ZNF48: variants seen among roughly 807,000 people sequenced by gnomAD.
ZNF48 encodes the protein zinc finger protein 553.
A neutral mutation model predicts 40.0 loss-of-function variants in ZNF48; 20 were observed. That is an observed-to-expected ratio of 0.50 (90% CI 0.35 to 0.73). The LOEUF is 0.73. Ranked by LOEUF, ZNF48 falls within the 30% of genes least tolerant of loss-of-function variation. The pLI, the probability that ZNF48 is intolerant of heterozygous loss-of-function variation, is 0.01. For missense variants in ZNF48, 726 were observed against 851.9 expected (o/e 0.85, Z 1.84); for synonymous variants, 298 against 329.7 (o/e 0.90, Z 1.04).
Position 30,381,498 on chromosome 16 carries a change from G to A in ZNF48, c.-16+3088G>A. 1 of 1,613,688 alleles carries A rather than the reference G, an allele frequency of 6.2e-7. No homozygotes were observed. Among genetic ancestry groups the A allele is most frequent in the Non-Finnish European group, 8.5e-7 (1 of 1,179,850 alleles). Reference sequence around the variant, plus strand: ...GCTGGGTGTGGGGAGAGGATGTGAGGTCAGAGATCAAAGGCCAGAGGGCAG... The same window carrying A: ...GCTGGGTGTGGGGAGAGGATGTGAGATCAGAGATCAAAGGCCAGAGGGCAG... On this transcript the variant is annotated intron_variant, in intron 1 of 2. Transcript: ENST00000528032. This position sits in a 1 kb window ranked among gnomAD's most constrained non-coding sequence, Gnocchi z 4.3.
chr16:30,397,818 C>T lies in ZNF48; in HGVS notation c.568C>T (p.Arg190Cys), dbSNP rs202072917. 3.7e-6 allele frequency: 6 copies of T among 1,613,746 alleles called. No homozygotes were observed. Among genetic ancestry groups the T allele is most frequent in the East Asian group, 2.2e-5 (1 of 44,886 alleles). ...TCGGTCCCGGATCCCTGCTGGTGAGCGCCCCACTATCTGTGGTGAATGTGG... is the reference window on the plus strand; with the variant it reads ...TCGGTCCCGGATCCCTGCTGGTGAGTGCCCCACTATCTGTGGTGAATGTGG... ...IPRSRIPAGERPTICGECGKS... is the reference protein window; with the variant it reads ...IPRSRIPAGECPTICGECGKS... The change falls in exon 3 of 3, where the codon CGC (arginine) becomes TGC (cysteine). Residue 190 changes from arginine to cysteine, a missense_variant. Around this residue, in one of 5 missense-constraint regions of ZNF48, gnomAD observed 378 missense variants for 449.1 expected, o/e 0.84. Coordinates refer to ENST00000613509, the MANE Select transcript of ZNF48 (RefSeq NM_001214909.2). This position sits in a 1 kb window ranked among gnomAD's most constrained non-coding sequence, Gnocchi z 4.1.
intron 1 of ZNF48, chr16:30,379,571 C>T: frequency 6.6e-7 from 1 of 1,505,168 alleles, no homozygotes; most frequent in Non-Finnish European, 9.2e-7. Context: ...CATTGGCTCA[C>T]ACGGCAGAAA....
Position 30,397,447 on chromosome 16 carries a change from C to T in ZNF48, c.197C>T (p.Ser66Phe), listed in dbSNP as rs1250498254. The change falls in exon 3 of 3, where the codon TCT becomes TTT. Residue 66 changes from serine (S) to phenylalanine (F), a missense_variant. This residue lies in a region of ZNF48 where 151 missense variants were observed against 162.3 expected (regional missense o/e 0.93). Transcript: ENST00000613509. This position sits in a 1 kb window ranked among gnomAD's most constrained non-coding sequence, Gnocchi z 4.1. ...CCAGATCATGAAGTAGGAAATGCCTCTCTCAAACCTGAAGGCATCCAGAAC... is the reference window on the plus strand; with the variant it reads ...CCAGATCATGAAGTAGGAAATGCCTTTCTCAAACCTGAAGGCATCCAGAAC... The part of the protein sequence containing the change: ...LAPDHEVGNA[S>F]LKPEGIQNWD... 1.2e-6 allele frequency: 2 copies of T among 1,614,012 alleles called. No individual in the cohort carries two copies. The highest frequency in any genetic ancestry group is 1.3e-5 in the African/African-American group (1 of 74,914).
intron 1 of ZNF48, among the ~76,000 whole-genome samples, chr16:30,384,625 C>T (rs548371351): frequency 1.3e-5 from 2 of 151,982 alleles, no homozygotes; most frequent in Non-Finnish European, 2.9e-5. Flanking sequence ...GCCTGTAATT[C>T]CAGCATTTTG....
In ZNF48 at chr16:30,381,082, G is replaced by A; in HGVS notation, c.-16+2672G>A. On this transcript the variant is annotated intron_variant, in intron 1 of 2. Transcript: ENST00000528032. The surrounding 1 kb of genome is among the most constrained non-coding windows in gnomAD (Gnocchi z 4.3). ...TCAAAGAAGTCTAAGCTGAAATCAG[G>A]TTTGGCTTCACATGGGGTCAAAGGT... 1.4e-6 allele frequency: 2 copies of A among 1,437,994 alleles called. No individual in the cohort carries two copies. Among genetic ancestry groups the A allele is most frequent in the Non-Finnish European group, 2.0e-6 (2 of 1,019,026 alleles). 89.1% of individuals were successfully genotyped at this position (1,437,994 alleles called of 1,614,324 possible).
At chr16:30,378,374 G>C in exon 1 of ZNF48, 2 of 1,450,808 alleles carry the variant, frequency 1.4e-6, no homozygotes, top group Non-Finnish European at 1.8e-6. Context: ...GTGGGGCGCG[G>C]GGATTGGACA....
chr16:30,383,494 T>C (rs986528646), intron 1 of ZNF48, among the ~76,000 whole-genome samples: 8 of 152,096 alleles, frequency 5.3e-5, no homozygotes, highest in Non-Finnish European at 8.8e-5. Flanking sequence ...AGGCCAACGC[T>C]GTTTCAAAAA....
In ZNF48 at chr16:30,398,471, C is replaced by T. The variant is rs2050013045; in HGVS notation, c.1221C>T (p.Gly407=). 1.3e-6 allele frequency: 2 copies of T among 1,586,304 alleles called. No homozygotes were observed. Among genetic ancestry groups the T allele is most frequent in the South Asian group, 1.2e-5 (1 of 86,954 alleles). Residue 407 remains glycine, a synonymous_variant, in exon 3 of 3, where the codon GGC becomes GGT. Transcript: ENST00000613509. The surrounding 1 kb of genome is among the most constrained non-coding windows in gnomAD (Gnocchi z 6.6). The part of the protein sequence containing the change: ...LIPSPPPPPL[G]TSPPLTPRSP... ...CCAGCCCACCCCCACCTCCTCTGGG[C>T]ACCAGCCCCCCGCTGACACCTCGAA...
Position 30,398,776 on chromosome 16 carries a change from C to T in ZNF48, c.1526C>T (p.Pro509Leu), listed in dbSNP as rs1359295964. Residue 509 changes from proline to leucine, a missense_variant, in exon 3 of 3, where the codon CCA becomes CTA. Transcript: ENST00000613509. This position sits in a 1 kb window ranked among gnomAD's most constrained non-coding sequence, Gnocchi z 6.6. ...RTHRGERARP[P>L]PPSTLLRPHN... ...CACCGTGGTGAACGGGCCCGGCCAC[C>T]ACCACCATCCACTCTGCTGCGGCCA... The T allele has an allele frequency of 6.8e-6, 11 of 1,613,578 alleles. No individual in the cohort carries two copies. In the Admixed American group the frequency reaches 1.7e-4, roughly 24 times the overall value.
intron 1 of ZNF48, chr16:30,379,073 C>G: frequency 6.2e-7 from 1 of 1,614,008 alleles, no homozygotes; most frequent in South Asian, 1.1e-5. Flanking sequence ...AGGCAGCGGG[C>G]CCGGTAGCCC....
At chr16:30,389,207 CA>C (rs1192776277) in intron 1 of ZNF48, among the ~76,000 whole-genome samples, 2 of 151,706 alleles carry the variant, frequency 1.3e-5, no homozygotes, top group Non-Finnish European at 2.9e-5. Flanking sequence ...TCCTGGCTGA[CA>C]CGGTGAAACC....
upstream of ZNF48, among the ~76,000 whole-genome samples, chr16:30,393,620 T>C (rs1474370977): frequency 1.3e-5 from 2 of 152,028 alleles, no homozygotes; most frequent in African/African-American, 4.8e-5. Flanking sequence ...CCTGACCTCA[T>C]GTAATTCACC....
chr16:30,378,648 C>T (rs1366251651), intron 1 of ZNF48: 3 of 1,610,276 alleles, frequency 1.9e-6, no homozygotes, highest in Non-Finnish European at 2.5e-6. Flanking sequence ...TCGGTGTCCG[C>T]CAGAGGCAGC....
In ZNF48 at chr16:30,398,286, C is replaced by G; in HGVS notation, c.1036C>G (p.Arg346Gly). Residue 346 changes from arginine to glycine, a missense_variant, in exon 3 of 3, where the codon CGA (arginine) becomes GGA (glycine). Around this residue, in one of 5 missense-constraint regions of ZNF48, gnomAD observed 378 missense variants for 449.1 expected, o/e 0.84. Transcript: ENST00000613509. The surrounding 1 kb of genome is among the most constrained non-coding windows in gnomAD (Gnocchi z 6.6). ...CGKGFADSSA[R>G]VKHLRTHSGE... ...CAAAGGTTTCGCGGACAGCTCCGCC[C>G]GAGTCAAACACCTCCGCACCCACAG... 6.2e-7 allele frequency: 1 copy of G among 1,613,510 alleles called. No homozygotes were observed. The highest frequency in any genetic ancestry group is 1.1e-5 in the South Asian group (1 of 91,084).
intron 1 of ZNF48, among the ~76,000 whole-genome samples, chr16:30,387,572 C>CA (rs1233675404): frequency 6.7e-6 from 1 of 148,262 alleles, no homozygotes; most frequent in Non-Finnish European, 1.5e-5. Flanking sequence ...AAAACAAAAC[C>CA]AAAAAAAGAC....
At chr16:30,391,724 T>C (rs950119881), upstream of ZNF48, among the ~76,000 whole-genome samples, 3 of 151,704 alleles carry the variant, frequency 2.0e-5, no homozygotes, top group African/African-American at 7.3e-5. Flanking sequence ...CTCGAACTCC[T>C]GACCTCAGGT....
intron 1 of ZNF48, chr16:30,380,305 A>G: frequency 5.1e-6 from 1 of 196,730 alleles, no homozygotes; most frequent in Non-Finnish European, 1.0e-5. Flanking sequence ...TACAACAAAT[A>G]TACACATATA....
chr16:30,387,165 G>T (rs1434178325), intron 1 of ZNF48, among the ~76,000 whole-genome samples: 1 of 147,122 alleles, frequency 6.8e-6, no homozygotes, highest in Non-Finnish European at 1.5e-5. Flanking sequence ...GGATGGTCTC[G>T]ATCTCCTGAC....
chr16:30,392,411 C>T (rs916166363), upstream of ZNF48, among the ~76,000 whole-genome samples: 4 of 152,096 alleles, frequency 2.6e-5, no homozygotes, highest in Admixed American at 6.6e-5. Flanking sequence ...CTCAGCCTCC[C>T]GAGGTGTTGG....
Sources: gnomAD v4.1 joint callset for allele counts (sites outside exome capture counted in the v4.1 genomes callset) on GRCh38, gnomAD v4.1.1 for gene constraint, gnomAD v4.1.1 regional missense constraint, Gnocchi (gnomAD v3.1) non-coding constraint, MANE v1.5 for transcripts, NCBI Gene and HGNC (gene_info 2026-07-23, HGNC 2026-07-21) for gene names.